The following RBFOX1 variants were observed in gnomAD, a reference collection of about 807,000 sequenced individuals.
RBFOX1 encodes the protein RNA binding fox-1 homolog 1.
RBFOX1 carries 8 observed loss-of-function variants against 57.7 expected under a neutral mutation model. The observed-to-expected ratio is 0.14, with a 90% CI of 0.08 to 0.25. The LOEUF is 0.25. RBFOX1 is among the 10% of genes least tolerant of loss of function. RBFOX1 has a pLI of 1.00. For missense variants in RBFOX1, 611 were observed against 548.5 expected (o/e 1.11, Z -1.14); for synonymous variants, 326 against 222.4 (o/e 1.47, Z -4.15).
intron 4 of RBFOX1, among the ~76,000 whole-genome samples, chr16:7,190,813 A>T (rs1294963871): frequency 6.6e-6 from 1 of 152,298 alleles, no homozygotes; most frequent in South Asian, 2.1e-4. Context: ...ATTTTTGGTA[A>T]CAGTTACGTT....
At chr16:7,693,497 T>C in intron 14 of RBFOX1, 1 of 710,912 alleles carries the variant, frequency 1.4e-6, no homozygotes, top group Non-Finnish European at 2.3e-6. Flanking sequence ...AAAAAGATCT[T>C]ATATCTTTGG....
intron 3 of RBFOX1, among the ~76,000 whole-genome samples, chr16:5,630,624 T>A (rs1330649648): frequency 6.6e-6 from 1 of 152,132 alleles, no homozygotes; most frequent in Non-Finnish European, 1.5e-5. Flanking sequence ...GACTGAAGTT[T>A]CCATTGATTG....
intron 4 of RBFOX1, among the ~76,000 whole-genome samples, chr16:7,277,967 C>G (rs924376100): frequency 1.3e-4 from 20 of 149,668 alleles, no homozygotes; most frequent in African/African-American, 4.9e-4. Flanking sequence ...AAAAAAGGTA[C>G]TAAGACATTA....
intron 5 of RBFOX1, among the ~76,000 whole-genome samples, chr16:7,555,227 T>C (rs1375567798): frequency 5.3e-5 from 8 of 152,176 alleles, no homozygotes; most frequent in Admixed American, 3.9e-4. Flanking sequence ...CTTTTCTCCT[T>C]TGTTAAAAGC....
intron 3 of RBFOX1, among the ~76,000 whole-genome samples, chr16:6,942,845 G>T (rs2078794250): frequency 6.6e-6 from 1 of 152,196 alleles, no homozygotes; most frequent in South Asian, 2.1e-4. Flanking sequence ...GTTTTGAGGA[G>T]GACAGTCCTT....
intron 3 of RBFOX1, among the ~76,000 whole-genome samples, chr16:5,860,383 C>T (rs2037209699): frequency 6.6e-6 from 1 of 152,134 alleles, no homozygotes; most frequent in Admixed American, 6.6e-5. Flanking sequence ...CCTACTTCAC[C>T]ACTTTTTGAC....
At position 6,925,610 on chromosome 16, in the gene RBFOX1, AT is replaced by A. The variant is rs1260291021; in HGVS notation, c.-15-126444del. ...GGCATAGAGGAGGCAATCCATAAAT[AT>A]TTGGGGGCATCAGTAAATAAGATAG... On this transcript the variant is annotated intron_variant, in intron 3 of 15. Transcript: ENST00000550418. 6.6e-5 allele frequency among the ~76,000 whole-genome samples: 10 copies of A among 152,128 alleles called. No individual in the cohort carries two copies. In the East Asian group the frequency reaches 1.9e-3, roughly 30 times the overall value.
intron 3 of RBFOX1, among the ~76,000 whole-genome samples, chr16:5,607,930 A>G (rs1029426564): frequency 1.3e-5 from 2 of 152,172 alleles, no homozygotes; most frequent in African/African-American, 4.8e-5. Flanking sequence ...CCATTCTCCC[A>G]TGGATGAGCA....
intron 1 of RBFOX1, among the ~76,000 whole-genome samples, chr16:6,311,631 T>G (rs72778219): frequency 6.6e-6 from 1 of 152,008 alleles, no homozygotes; most frequent in Admixed American, 6.5e-5. Context: ...GAGGCTGGAG[T>G]TCAGGGTGCA....
intron 2 of RBFOX1, among the ~76,000 whole-genome samples, chr16:6,471,205 T>G (rs923077824): frequency 1.3e-5 from 2 of 152,206 alleles, no homozygotes; most frequent in African/African-American, 4.8e-5. Flanking sequence ...ATGGTTTGAA[T>G]GCCTTTCTCC....
chr16:5,999,780 G>A (rs1043990508), intron 4 of RBFOX1, among the ~76,000 whole-genome samples: 4 of 147,660 alleles, frequency 2.7e-5, no homozygotes, highest in Non-Finnish European at 4.5e-5. Flanking sequence ...AGAATGGCGT[G>A]AACCTGGGAG....
At chr16:7,324,062 C>T (rs182119551) in intron 4 of RBFOX1, among the ~76,000 whole-genome samples, 7 of 152,168 alleles carry the variant, frequency 4.6e-5, no homozygotes, top group Admixed American at 3.9e-4. Context: ...CAGGACTTCT[C>T]AGGTGCTTTT....
intron 3 of RBFOX1, among the ~76,000 whole-genome samples, chr16:6,902,616 G>T (rs960633526): frequency 6.6e-6 from 1 of 152,160 alleles, no homozygotes; most frequent in African/African-American, 2.4e-5. Flanking sequence ...CAGCTATTCA[G>T]GAGGCTCAGA....
intron 4 of RBFOX1, among the ~76,000 whole-genome samples, chr16:5,884,509 T>C (rs1393136141): frequency 7.8e-6 from 1 of 128,978 alleles, no homozygotes; most frequent in African/African-American, 2.9e-5. Context: ...CTGGACTACA[T>C]TTCCCAGCCT....
intron 2 of RBFOX1, among the ~76,000 whole-genome samples, chr16:6,581,278 C>G (rs1310422461): frequency 6.6e-6 from 1 of 152,188 alleles, no homozygotes; most frequent in Non-Finnish European, 1.5e-5. Context: ...ATCTCCTGCA[C>G]AGGGTTCTGT....
intron 3 of RBFOX1, among the ~76,000 whole-genome samples, chr16:5,783,702 T>A (rs1324497276): frequency 2.0e-5 from 3 of 152,204 alleles, no homozygotes; most frequent in Admixed American, 6.5e-5. Flanking sequence ...TAATGATTGT[T>A]TAATGGTTGT....
intron 4 of RBFOX1, among the ~76,000 whole-genome samples, chr16:7,108,613 T>C (rs2064051145): frequency 6.6e-6 from 1 of 152,154 alleles, no homozygotes; most frequent in South Asian, 2.1e-4. Flanking sequence ...GAGATATGAT[T>C]AATTGCTTGT....
chr16:5,445,289 C>G (rs990863625), intron 1 of RBFOX1, among the ~76,000 whole-genome samples: 1 of 152,106 alleles, frequency 6.6e-6, no homozygotes, highest in African/African-American at 2.4e-5. Context: ...GGTGACTTAT[C>G]TTTCTGACTT....
At chr16:6,269,721 T>G (rs1366590170) in intron 1 of RBFOX1, among the ~76,000 whole-genome samples, 4 of 152,144 alleles carry the variant, frequency 2.6e-5, no homozygotes, top group Non-Finnish European at 5.9e-5. Flanking sequence ...TGGTCTACCT[T>G]AAAAGAATGG....
Sources: gnomAD v4.1 joint callset for allele counts (sites outside exome capture counted in the v4.1 genomes callset) on GRCh38, gnomAD v4.1.1 for gene constraint, MANE v1.5 for transcripts, NCBI Gene and HGNC (gene_info 2026-07-23, HGNC 2026-07-21) for gene names.